NAV3: variants seen among roughly 807,000 people sequenced by gnomAD.
The protein encoded by NAV3 is neuron navigator 3, also known as pore membrane and/or filament interacting like protein 1.
NAV3 carries 87 observed loss-of-function variants against 244.7 expected under a neutral mutation model. The ratio of observed to expected loss-of-function variants is 0.36; its 90% CI spans 0.30 to 0.42. The LOEUF (loss-of-function observed/expected upper bound fraction) is 0.42. Ranked by LOEUF, NAV3 falls within the 20% of genes least tolerant of loss-of-function variation. The pLI, the probability that NAV3 is intolerant of heterozygous loss-of-function variation, is 1.00. For synonymous variants in NAV3, 1,126 were observed against 1,042.2 expected (o/e 1.08, Z -1.55); for missense variants, 2,663 against 2,893.3 (o/e 0.92, Z 1.83).
chr12:77,618,374 G>A (rs1012093289), intron 2 of NAV3, among the ~76,000 whole-genome samples: 2 of 152,168 alleles, frequency 1.3e-5, no homozygotes, highest in Non-Finnish European at 2.9e-5. Flanking sequence ...TAAATTTATA[G>A]ATAGGCACTA....
intron 19 of NAV3, among the ~76,000 whole-genome samples, chr12:78,138,438 A>G (rs1379905274): frequency 1.3e-5 from 2 of 152,116 alleles, no homozygotes; most frequent in Non-Finnish European, 2.9e-5. Flanking sequence ...AAATTGACTC[A>G]TGTTTTTCAG....
intron 8 of NAV3, among the ~76,000 whole-genome samples, chr12:78,010,332 T>G (rs1324332275): frequency 1.3e-5 from 2 of 152,176 alleles, no homozygotes; most frequent in African/African-American, 4.8e-5. Flanking sequence ...GACAATTATT[T>G]TTGGAGTTGC....
At chr12:78,026,540 C>T (rs1402728352) in intron 9 of NAV3, among the ~76,000 whole-genome samples, 2 of 151,974 alleles carry the variant, frequency 1.3e-5, no homozygotes, top group Non-Finnish European at 2.9e-5. Flanking sequence ...TCTATTTGTA[C>T]TCAGAAACAA....
chr12:77,884,551 G>T lies in NAV3; in HGVS notation c.243+52847G>T, dbSNP rs1002188780. 2.0e-5 allele frequency among the ~76,000 whole-genome samples: 3 copies of T among 152,082 alleles called. No homozygotes were observed. The South Asian group carries it at 6.2e-4, about 31-fold the overall frequency. On this transcript the variant is annotated intron_variant, in intron 1 of 39. Coordinates refer to ENST00000397909, the MANE Select transcript of NAV3 (RefSeq NM_001024383.2). ...GAACCTGGAGTTCTGGTGCCCAATG[G>T]CAGAAAAAGGGTGTCCCAGCTACAG...
intron 2 of NAV3, among the ~76,000 whole-genome samples, chr12:77,577,357 C>G (rs574069061): frequency 6.6e-6 from 1 of 152,150 alleles, no homozygotes; most frequent in Non-Finnish European, 1.5e-5. Context: ...AACCTCCTTT[C>G]ATTTTTTCTC....
At chr12:78,030,790 C>T (rs1878846863) in intron 9 of NAV3, among the ~76,000 whole-genome samples, 1 of 152,070 alleles carries the variant, frequency 6.6e-6, no homozygotes, top group Admixed American at 6.6e-5. Flanking sequence ...AAGAGTCATG[C>T]AGAACTTAAA....
intron 9 of NAV3, among the ~76,000 whole-genome samples, chr12:78,048,677 C>T (rs557793847): frequency 3.9e-5 from 6 of 152,308 alleles, no homozygotes; most frequent in East Asian, 1.9e-4. Flanking sequence ...GGTGTCTCCT[C>T]GTCAGGAGGC....
intron 1 of NAV3, among the ~76,000 whole-genome samples, chr12:77,869,977 TTTG>T (rs1428370179): frequency 6.6e-6 from 1 of 152,208 alleles, no homozygotes; most frequent in African/African-American, 2.4e-5. Context: ...CACATGCTCT[TTTG>T]TTGTTACTCA....
At chr12:77,615,171 A>G (rs1871099096) in intron 2 of NAV3, among the ~76,000 whole-genome samples, 1 of 152,232 alleles carries the variant, frequency 6.6e-6, no homozygotes, top group Admixed American at 6.5e-5. Flanking sequence ...CCACAACTCT[A>G]TAATTTATAA....
intron 2 of NAV3, among the ~76,000 whole-genome samples, chr12:77,631,478 A>G (rs1871895915): frequency 6.6e-6 from 1 of 152,250 alleles, no homozygotes; most frequent in African/African-American, 2.4e-5. Flanking sequence ...TGGAAAAAAA[A>G]AAAAAAGCTT....
chr12:78,149,868 AT>A (rs1957007809), intron 22 of NAV3, among the ~76,000 whole-genome samples: 1 of 152,054 alleles, frequency 6.6e-6, no homozygotes, highest in African/African-American at 2.4e-5. Context: ...TTAAGCTATC[AT>A]TGTGCAATAT....
chr12:77,976,668 T>TTCTTTC (rs1565979419), intron 5 of NAV3, among the ~76,000 whole-genome samples: 1 of 58,120 alleles, frequency 1.7e-5, no homozygotes, highest in Non-Finnish European at 3.3e-5. Flanking sequence ...CTTTCTTTCT[T>TTCTTTC]TTTTTCTTTT....
At chr12:77,755,054 T>C (rs1473590864) in intron 2 of NAV3, among the ~76,000 whole-genome samples, 1 of 152,196 alleles carries the variant, frequency 6.6e-6, no homozygotes, top group East Asian at 1.9e-4. Context: ...CAAACCTGAA[T>C]AATTTAATTT....
chr12:77,836,165 T>A (rs899798100), intron 1 of NAV3, among the ~76,000 whole-genome samples: 2 of 152,174 alleles, frequency 1.3e-5, no homozygotes, highest in African/African-American at 4.8e-5. Flanking sequence ...TACTTAACAT[T>A]CTGGAAGTTA....
In NAV3 at chr12:77,972,661, T is replaced by TA. The variant is rs532112210; in HGVS notation, c.671+3967dup. Among the ~76,000 whole-genome samples the TA allele has an allele frequency of 1.4e-3, 220 of 152,070 alleles. 2 individuals carry two copies. Among genetic ancestry groups the TA allele is most frequent in the African/African-American group, 4.5e-3 (187 of 41,514 alleles). ...TGAGAAGTGTTTTAATATAAAATGC[T>TA]AAAAAAAATCGTATATAAATGTTGG... On this transcript the variant is annotated intron_variant, in intron 5 of 39. Transcript: ENST00000397909.
At chr12:77,779,947 G>C (rs1870581001) in intron 2 of NAV3, among the ~76,000 whole-genome samples, 1 of 152,180 alleles carries the variant, frequency 6.6e-6, no homozygotes, top group African/African-American at 2.4e-5. Context: ...CATGTTATTG[G>C]TACATGTCCC....
chr12:78,162,930 A>C (rs982007547), intron 23 of NAV3, among the ~76,000 whole-genome samples: 3 of 143,260 alleles, frequency 2.1e-5, no homozygotes, highest in Non-Finnish European at 4.5e-5. Flanking sequence ...ATATATATAT[A>C]AATTACATAT....
chr12:78,188,149 G>A, intron 31 of NAV3, 99 bp from the exon 32 acceptor site: 1 of 853,588 alleles, frequency 1.2e-6, no homozygotes, highest in Non-Finnish European at 1.9e-6. Flanking sequence ...AAATAGTTTA[G>A]TCTTAACAAC....
intron 2 of NAV3, among the ~76,000 whole-genome samples, chr12:77,823,427 G>T (rs1039289301): frequency 2.6e-5 from 4 of 152,154 alleles, no homozygotes; most frequent in Admixed American, 6.5e-5. Context: ...GCCAGAGAAA[G>T]GACCAGCAGA....
Sources: gnomAD v4.1 joint callset for allele counts (sites outside exome capture counted in the v4.1 genomes callset) on GRCh38, gnomAD v4.1.1 for gene constraint, MANE v1.5 for transcripts, NCBI Gene and HGNC (gene_info 2026-07-23, HGNC 2026-07-21) for gene names.